The following NKAIN2 variants were observed in gnomAD, a reference collection of about 807,000 sequenced individuals.
The protein encoded by NKAIN2 is sodium/potassium transporting ATPase interacting 2.
In NKAIN2, 14 loss-of-function variants were observed where a neutral mutation model predicts 32.6. The observed-to-expected ratio is 0.43, with a 90% CI of 0.28 to 0.67. NKAIN2 has a LOEUF of 0.67. Among genes scored for constraint, NKAIN2 ranks in the 30% least tolerant of loss-of-function variants. The pLI is 0.17. For synonymous variants in NKAIN2, 80 were observed against 87.2 expected (o/e 0.92, Z 0.46); for missense variants, 198 against 258.3 (o/e 0.77, Z 1.60).
At position 124,825,580 on chromosome 6, in the gene NKAIN2, AATG is replaced by A. The variant is rs1241008246; in HGVS notation, c.*2354_*2356del. On this transcript the variant is annotated 3_prime_UTR_variant, in exon 7 of 7. Coordinates refer to ENST00000368417, the MANE Select transcript of NKAIN2 (RefSeq NM_001040214.3). The stretch of plus-strand genomic sequence containing the variant: ...TTAATTCTGAATGTATTTTTAACAG[AATG>A]ATTTTTTTGACTTACTAGTGTAATT... 2 of 152,508 alleles carry A rather than the reference AATG, an allele frequency of 1.3e-5. No homozygotes were observed. The highest frequency in any genetic ancestry group is 4.8e-5 in the African/African-American group (2 of 41,410). 9.4% of individuals were successfully genotyped at this position (152,508 alleles called of 1,614,324 possible). A position where few individuals can be genotyped will look rare whatever the true frequency, so the allele number is the denominator to read the frequency against.
At chr6:124,361,545 A>G (rs1221250053) in intron 3 of NKAIN2, among the ~76,000 whole-genome samples, 2 of 152,076 alleles carry the variant, frequency 1.3e-5, no homozygotes, top group Non-Finnish European at 2.9e-5. Flanking sequence ...AGATTTCACT[A>G]TAGTAACAGA....
chr6:124,348,651 A>G (rs570502624), intron 2 of NKAIN2, among the ~76,000 whole-genome samples: 1 of 152,338 alleles, frequency 6.6e-6, no homozygotes, highest in South Asian at 2.1e-4. Flanking sequence ...TCCGGTCTAC[A>G]GCTCCCAGCA....
In NKAIN2 at chr6:124,330,601, G is replaced by C. The variant is rs562982265; in HGVS notation, c.193-24666G>C. Among the ~76,000 whole-genome samples, 13 of 152,308 alleles carry C rather than the reference G, an allele frequency of 8.5e-5. No individual in the cohort carries two copies. In the South Asian group the frequency reaches 1.7e-3, roughly 19 times the overall value. The stretch of plus-strand genomic sequence containing the variant: ...TTGGCTAAGGGTAATTCCTGAGCAA[G>C]AACTTGACTGTGAGCTGTCAACAAA... On this transcript the variant is annotated intron_variant, in intron 2 of 6. Coordinates refer to ENST00000368417, the MANE Select transcript of NKAIN2 (RefSeq NM_001040214.3).
intron 1 of NKAIN2, among the ~76,000 whole-genome samples, chr6:124,019,383 G>A (rs554985947): frequency 1.4e-4 from 20 of 147,254 alleles, no homozygotes; most frequent in African/African-American, 4.2e-4. Flanking sequence ...GTAATTTTCT[G>A]CATTCCTCAA....
chr6:124,060,490 TAGC>T (rs1782874406), intron 1 of NKAIN2, among the ~76,000 whole-genome samples: 1 of 152,118 alleles, frequency 6.6e-6, no homozygotes, highest in South Asian at 2.1e-4. Flanking sequence ...CATCCAGCCT[TAGC>T]AGATACAAGC....
intron 2 of NKAIN2, among the ~76,000 whole-genome samples, chr6:124,310,676 G>A (rs1308717441): frequency 3.3e-5 from 5 of 152,066 alleles, no homozygotes; most frequent in Non-Finnish European, 7.4e-5. Context: ...TAGCTGTTCT[G>A]CCAAATATGA....
intron 1 of NKAIN2, among the ~76,000 whole-genome samples, chr6:123,834,582 A>G (rs1390798798): frequency 6.6e-6 from 1 of 152,174 alleles, no homozygotes; most frequent in Non-Finnish European, 1.5e-5. Flanking sequence ...ATCTTATTGA[A>G]TTAGCTAGTA....
At chr6:123,960,177 T>A (rs1436099345) in intron 1 of NKAIN2, among the ~76,000 whole-genome samples, 3 of 152,128 alleles carry the variant, frequency 2.0e-5, no homozygotes, top group Admixed American at 2.0e-4. Context: ...CTAAAAAAAA[T>A]TGCCAGCCAA....
chr6:124,783,986 T>C (rs774958903), intron 4 of NKAIN2, among the ~76,000 whole-genome samples: 2 of 152,160 alleles, frequency 1.3e-5, no homozygotes, highest in Non-Finnish European at 2.9e-5. Context: ...TAAAAAGTAG[T>C]GTTGCTACTC....
chr6:123,949,954 G>T (rs531718642), intron 1 of NKAIN2, among the ~76,000 whole-genome samples: 1 of 151,876 alleles, frequency 6.6e-6, no homozygotes, highest in African/African-American at 2.4e-5. Context: ...TCTTCACTAA[G>T]TTGAGGTATG....
At chr6:124,641,898 T>G (rs1784007780) in intron 3 of NKAIN2, among the ~76,000 whole-genome samples, 1 of 152,110 alleles carries the variant, frequency 6.6e-6, no homozygotes, top group African/African-American at 2.4e-5. Context: ...GGCCTTTACT[T>G]ATATGTTTTT....
intron 1 of NKAIN2, among the ~76,000 whole-genome samples, chr6:123,814,010 T>G (rs1310774382): frequency 2.0e-5 from 3 of 152,174 alleles, no homozygotes; most frequent in Non-Finnish European, 4.4e-5. Context: ...TGGAGTTTCA[T>G]TTTTGACCAT....
Position 124,610,261 on chromosome 6 carries a change from A to T in NKAIN2, c.274-47925A>T, listed in dbSNP as rs569796509. Among the ~76,000 whole-genome samples, 4 of 152,340 alleles carry T rather than the reference A, an allele frequency of 2.6e-5. No individual in the cohort carries two copies. In the East Asian group the frequency reaches 7.7e-4, roughly 29 times the overall value. ...TACTCAGGGGCACAAACAAGATCAC[A>T]TTATTTTGATTATATGGTATTATCT... On this transcript the variant is annotated intron_variant, in intron 3 of 6. Coordinates refer to ENST00000368417, the MANE Select transcript of NKAIN2 (RefSeq NM_001040214.3).
intron 3 of NKAIN2, among the ~76,000 whole-genome samples, chr6:124,632,958 A>AG (rs1783626829): frequency 2.0e-5 from 3 of 152,222 alleles, no homozygotes; most frequent in Admixed American, 6.5e-5. Flanking sequence ...ACTACCTAAG[A>AG]GGACACATCA....
intron 2 of NKAIN2, among the ~76,000 whole-genome samples, chr6:124,337,502 G>C (rs538924760): frequency 1.2e-3 from 183 of 152,242 alleles, no homozygotes; most frequent in African/African-American, 4.0e-3. Context: ...GTGAGACCCT[G>C]TCTCAAAAAA....
At chr6:123,979,244 C>T (rs1278387684) in intron 1 of NKAIN2, among the ~76,000 whole-genome samples, 2 of 151,860 alleles carry the variant, frequency 1.3e-5, no homozygotes, top group Admixed American at 6.6e-5. Context: ...AATTTAAAAC[C>T]TTGGAATTAG....
chr6:124,442,949 C>G (rs1260703651), intron 3 of NKAIN2, among the ~76,000 whole-genome samples: 1 of 152,078 alleles, frequency 6.6e-6, no homozygotes, highest in Non-Finnish European at 1.5e-5. Context: ...GTTTTAGACT[C>G]TGCTCAAAGC....
Position 124,424,422 on chromosome 6 carries a change from A to T in NKAIN2, c.273+69075A>T, listed in dbSNP as rs769974653. 1.1e-3 allele frequency among the ~76,000 whole-genome samples: 163 copies of T among 151,530 alleles called. 1 individual carries two copies. Among genetic ancestry groups the T allele is most frequent in the Non-Finnish European group, 1.4e-3 (94 of 67,904 alleles). On this transcript the variant is annotated intron_variant, in intron 3 of 6. Coordinates refer to ENST00000368417, the MANE Select transcript of NKAIN2 (RefSeq NM_001040214.3). ...TGTGTGTGTGTGATAAGTACACTTA[A>T]TATCTACCATCTTAGCAAGTTTCAA...
chr6:124,481,290 A>G (rs1223431054), intron 3 of NKAIN2, among the ~76,000 whole-genome samples: 3 of 152,050 alleles, frequency 2.0e-5, no homozygotes, highest in African/African-American at 7.2e-5. Flanking sequence ...TTGGCATTAA[A>G]TGACTCTGGT....
Sources: allele counts gnomAD v4.1 joint callset (sites outside exome capture counted in the v4.1 genomes callset), GRCh38; gene constraint gnomAD v4.1.1; transcripts MANE v1.5; gene names NCBI Gene and HGNC (gene_info 2026-07-23, HGNC 2026-07-21).